The following SLC23A1 variants were observed in gnomAD, a reference collection of about 807,000 sequenced individuals.
SLC23A1 encodes Na(+)/L-ascorbic acid transporter 1.
A neutral mutation model predicts 62.5 loss-of-function variants in SLC23A1; 31 were observed. The ratio of observed to expected loss-of-function variants is 0.50; its 90% CI spans 0.37 to 0.67. The LOEUF is 0.67. SLC23A1 is among the 30% of genes least tolerant of loss of function. The pLI is 0.00. For synonymous variants in SLC23A1, 271 were observed against 313.2 expected (o/e 0.87, Z 1.42); for missense variants, 640 against 782.7 (o/e 0.82, Z 2.18).
At chr5:139,382,213 T>G (rs1348534511) in intron 2 of SLC23A1, 164 bp from the exon 3 acceptor site, 1 of 662,292 alleles carries the variant, frequency 1.5e-6, no homozygotes, top group East Asian at 2.7e-5. Context: ...TGCTGACCAC[T>G]CTGGGGGTCA....
intron 14 of SLC23A1, chr5:139,368,743 A>G (rs151272131): frequency 6.2e-6 from 10 of 1,612,974 alleles, no homozygotes; most frequent in African/African-American, 5.3e-5. Flanking sequence ...GTCAAGAGCA[A>G]TCTGAATCCA....
chr5:139,374,159 A>C (rs1279180589), intron 13 of SLC23A1, among the ~76,000 whole-genome samples: 2 of 152,322 alleles, frequency 1.3e-5, no homozygotes, highest in East Asian at 1.9e-4. Context: ...ACTTTTTGGC[A>C]TATCCTCCTC....
At chr5:139,370,058 T>G (rs986816764) in intron 14 of SLC23A1, among the ~76,000 whole-genome samples, 1 of 152,154 alleles carries the variant, frequency 6.6e-6, no homozygotes, top group African/African-American at 2.4e-5. Flanking sequence ...TTGAGCTTAT[T>G]AGGTTGAAAA....
intron 13 of SLC23A1, among the ~76,000 whole-genome samples, chr5:139,373,034 A>G (rs894923190): frequency 1.3e-5 from 2 of 152,206 alleles, no homozygotes; most frequent in Non-Finnish European, 2.9e-5. Context: ...TTGAAACACT[A>G]TAATCAGTGT....
Position 139,376,265 on chromosome 5 carries a change from G to A in SLC23A1, c.1549+1137C>T, listed in dbSNP as rs945974600. 2.0e-5 allele frequency among the ~76,000 whole-genome samples: 3 copies of A among 150,158 alleles called. No individual in the cohort carries two copies. The East Asian group carries it at 5.9e-4, about 30-fold the overall frequency. ...GCCCACCGCAACCTTCGCCTCCCAG[G>A]TTCAAGCAATTCTCCTGCCTCAGCC... On this transcript the variant is annotated intron_variant, in intron 13 of 14. Coordinates refer to ENST00000348729, the MANE Select transcript of SLC23A1 (RefSeq NM_005847.5).
chr5:139,368,146 T>A (rs543825156), intron 14 of SLC23A1, among the ~76,000 whole-genome samples: 1 of 152,084 alleles, frequency 6.6e-6, no homozygotes, highest in East Asian at 1.9e-4. Flanking sequence ...CCATCCTGGC[T>A]AACATGGTGA....
chr5:139,368,206 TGG>T (rs1459103846), intron 14 of SLC23A1, among the ~76,000 whole-genome samples: 1 of 151,890 alleles, frequency 6.6e-6, no homozygotes, highest in Non-Finnish European at 1.5e-5. Context: ...GGCGTGGCGG[TGG>T]GCGCCTGTAG....
At chr5:139,374,891 C>T (rs1043342856) in intron 13 of SLC23A1, among the ~76,000 whole-genome samples, 5 of 152,152 alleles carry the variant, frequency 3.3e-5, no homozygotes, top group Non-Finnish European at 7.3e-5. Flanking sequence ...GTCTCAGGCC[C>T]ATAGGATGGT....
rs1029792515 is a variant in SLC23A1 at position 139,379,936 on chromosome 5, G to C, written c.768+20C>G. 2.5e-6 allele frequency: 4 copies of C among 1,614,060 alleles called. No homozygotes were observed. The highest frequency in any genetic ancestry group is 3.4e-6 in the Non-Finnish European group (4 of 1,180,038). On this transcript the variant is annotated intron_variant, in intron 7 of 14. Transcript: ENST00000348729. This position sits in a 1 kb window ranked among gnomAD's most constrained non-coding sequence, Gnocchi z 4.7. ...AGCCCTGGCCATAGTCCCAGCCCCA[G>C]CCGCCTGCCAGGTCCTCACAGGAAA...
rs1469375551 is a variant in SLC23A1, at chr5:139,372,212, C to G, written c.1591G>C (p.Ala531Pro). ...GAAGACATGTCACTGTTGGCATGAGCCCCAGCTTTCCACTGTATCAGACCA... is the reference window on the plus strand; with the variant it reads ...GAAGACATGTCACTGTTGGCATGAGGCCCAGCTTTCCACTGTATCAGACCA... Reference protein sequence around the residue: ...ERGLIQWKAGAHANSDMSSSL... With the variant: ...ERGLIQWKAGPHANSDMSSSL... The change falls in exon 14 of 15, where the codon GCT (alanine) becomes CCT (proline). Residue 531 changes from alanine (A) to proline (P), a missense_variant. Transcript: ENST00000348729. 1 of 1,613,160 alleles carries G rather than the reference C, an allele frequency of 6.2e-7. No individual in the cohort carries two copies. The highest frequency in any genetic ancestry group is 8.5e-7 in the Non-Finnish European group (1 of 1,179,242).
intron 14 of SLC23A1, chr5:139,368,950 G>C (rs555871553): frequency 1.8e-6 from 1 of 569,930 alleles, no homozygotes; most frequent in South Asian, 2.4e-5. Flanking sequence ...TAAAAGTGCT[G>C]AGACTGTTAC....
At chr5:139,376,763 T>C (rs1373630684) in intron 13 of SLC23A1, among the ~76,000 whole-genome samples, 4 of 152,216 alleles carry the variant, frequency 2.6e-5, no homozygotes, top group African/African-American at 9.6e-5. Context: ...AACAAACTGA[T>C]GCTGCATTTA....
At position 139,380,390 on chromosome 5, in the gene SLC23A1, C is replaced by G. The variant is rs1758189366; in HGVS notation, c.466-1G>C. Reference sequence around the variant, plus strand: ...TGGACACCATGATTGCACCCTGGACCTGGAAGGGCAAACATCAGCCGTAAG... The same window carrying G: ...TGGACACCATGATTGCACCCTGGACGTGGAAGGGCAAACATCAGCCGTAAG... On this transcript the variant is annotated splice_acceptor_variant, in intron 5 of 14. Coordinates refer to ENST00000348729, the MANE Select transcript of SLC23A1 (RefSeq NM_005847.5). LOFTEE classifies it high-confidence loss of function. 1 of 1,613,284 alleles carries G rather than the reference C, an allele frequency of 6.2e-7. No homozygotes were observed. Among genetic ancestry groups the G allele is most frequent in the African/African-American group, 1.3e-5 (1 of 74,852 alleles).
At position 139,382,358 on chromosome 5, in the gene SLC23A1, C is replaced by T. The variant is rs562397219; in HGVS notation, c.150+134G>A. The stretch of plus-strand genomic sequence containing the variant: ...TCAGGATTCAGCCTCTTCCCGACTC[C>T]TGCTTGCTGACAGCCACTGTGCTGA... On this transcript the variant is annotated intron_variant, in intron 2 of 14. Coordinates refer to ENST00000348729, the MANE Select transcript of SLC23A1 (RefSeq NM_005847.5). 1.2e-4 allele frequency: 75 copies of T among 612,636 alleles called. No homozygotes were observed. The African/African-American group carries it at 1.3e-3, about 11-fold the overall frequency. 38.0% of individuals were successfully genotyped at this position (612,636 alleles called of 1,614,324 possible).
At chr5:139,381,614 CAAAAAAAAAAAA>C (rs904456829) in intron 3 of SLC23A1, among the ~76,000 whole-genome samples, 7 of 55,706 alleles carry the variant, frequency 1.3e-4, no homozygotes, top group Admixed American at 1.2e-3. Context: ...ACTCCGTCTC[CAAAAAAAAAAAA>C]AAAAAAAAAA....
Position 139,378,739 on chromosome 5 carries a change from C to G in SLC23A1, c.1074-55G>C. 7.6e-7 allele frequency: 1 copy of G among 1,315,614 alleles called. No homozygotes were observed. Among genetic ancestry groups the G allele is most frequent in the Non-Finnish European group, 1.1e-6 (1 of 930,108 alleles). The allele number at this position is 1,315,614 out of a possible 1,614,324, so 81.5% of individuals were successfully genotyped here. A position where few individuals can be genotyped will look rare whatever the true frequency, so the allele number is the denominator to read the frequency against. ...TCCAGCCTCTGCACCAGTCTGTGTT[C>G]CCCCATCATCTTAGCAAGCTGCCGT... On this transcript the variant is annotated intron_variant, in intron 9 of 14. Transcript: ENST00000348729. This position sits in a 1 kb window ranked among gnomAD's most constrained non-coding sequence, Gnocchi z 4.5.
chr5:139,372,153 C>A lies in SLC23A1; in HGVS notation c.1650G>T (p.Met550Ile). ...GAAAGGTAATTCTTTTTACTATGCC[C>A]ATCCCAATGGGGAAATCGTAGCTCT... The part of the protein sequence containing the change: ...SLKSYDFPIG[M>I]GIVKRITFLK... The change falls in exon 14 of 15, where the codon ATG becomes ATT. Residue 550 changes from methionine to isoleucine, a missense_variant. By Grantham distance (10) the Met-to-Ile change is conservative (BLOSUM62 1). Coordinates refer to ENST00000348729, the MANE Select transcript of SLC23A1 (RefSeq NM_005847.5). The A allele has an allele frequency of 6.2e-7, 1 of 1,613,486 alleles. No individual in the cohort carries two copies. Among genetic ancestry groups the A allele is most frequent in the Non-Finnish European group, 8.5e-7 (1 of 1,179,394 alleles).
At chr5:139,384,822 C>A, upstream of SLC23A1, 1 of 846,748 alleles carries the variant, frequency 1.2e-6, no homozygotes, top group Non-Finnish European at 1.4e-6. Flanking sequence ...CCCGGCTCCA[C>A]ACCCTGTCCT....
Position 139,379,885 on chromosome 5 carries a change from G to C in SLC23A1, c.769-51C>G. ...TGAAGGCACTGGAGGTCTCTGTCCA[G>C]GCTAACCTGCTCCCACCTCAGCCCA... On this transcript the variant is annotated intron_variant, in intron 7 of 14. Transcript: ENST00000348729. This position sits in a 1 kb window ranked among gnomAD's most constrained non-coding sequence, Gnocchi z 4.7. 2 of 1,613,980 alleles carry C rather than the reference G, an allele frequency of 1.2e-6. No individual in the cohort carries two copies. The highest frequency in any genetic ancestry group is 1.3e-5 in the African/African-American group (1 of 75,034).
Sources: gnomAD v4.1 joint callset for allele counts (sites outside exome capture counted in the v4.1 genomes callset) on GRCh38, gnomAD v4.1.1 for gene constraint, Gnocchi (gnomAD v3.1) non-coding constraint, MANE v1.5 for transcripts, NCBI Gene and HGNC (gene_info 2026-07-23, HGNC 2026-07-21) for gene names.